Variants in SHOX observed in about 807,000 individuals in gnomAD.
The protein encoded by SHOX is SHOX homeobox.
In SHOX, 12 loss-of-function variants were observed where a neutral mutation model predicts 29.6. That is an observed-to-expected ratio of 0.41 (90% CI 0.26 to 0.66). The LOEUF (loss-of-function observed/expected upper bound fraction) is 0.66, where lower values mean the gene tolerates loss of function less well. Among genes scored for constraint, SHOX ranks in the 30% least tolerant of loss-of-function variants. The pLI is 0.35. For missense variants in SHOX, 499 were observed against 437.7 expected (o/e 1.14, Z -1.25); for synonymous variants, 214 against 200.6 (o/e 1.07, Z -0.57).
chrX:653,012 G>A (rs1390799148), downstream of SHOX, among the ~76,000 whole-genome samples: 11 of 152,140 alleles, frequency 7.2e-5, no homozygotes, highest in Non-Finnish European at 1.3e-4. Context: ...AGGCCGAGGC[G>A]GGTGGATCAC....
chrX:651,832 C>A (rs141154316), downstream of SHOX, among the ~76,000 whole-genome samples: 19 of 151,898 alleles, frequency 1.3e-4, no homozygotes, highest in Admixed American at 1.2e-3. Context: ...CAGCCAACGT[C>A]CCCCCAGAAG....
chrX:644,639 C>T lies in SHOX; in HGVS notation c.*3C>T, dbSNP rs891162345. ...ACGCGGAGGCCCTGGGGCTCTGACC[C>T]GCCGCGCAGCCCCCCGCGCGCCCGG... On this transcript the variant is annotated 3_prime_UTR_variant, in exon 5 of 5. Coordinates refer to ENST00000686671, the MANE Select transcript of SHOX (RefSeq NM_000451.4). 5.4e-6 allele frequency: 8 copies of T among 1,470,122 alleles called. No homozygotes were observed. The Admixed American group carries it at 9.8e-5, about 18-fold the overall frequency. 91.1% of individuals were successfully genotyped at this position (1,470,122 alleles called of 1,614,324 possible).
chrX:631,761 A>T (rs1465733075), intron 1 of SHOX: 13 of 396,826 alleles, frequency 3.3e-5, no homozygotes, highest in Non-Finnish European at 5.1e-5. Context: ...CGAACTCCTG[A>T]CCTCAGGTGA....
intron 4 of SHOX, among the ~76,000 whole-genome samples, chrX:643,978 C>G (rs868251934): frequency 1.8e-5 from 1 of 55,072 alleles, no homozygotes; most frequent in Non-Finnish European, 4.2e-5. Context: ...CTCGGGAGAG[C>G]CTTGGTGACC....
rs914164562 is a variant in SHOX at position 649,945 on chromosome X, C to T, written c.*5309C>T. 6.8e-5 allele frequency: 31 copies of T among 455,948 alleles called. 1 individual carries two copies. The highest frequency in any genetic ancestry group is 3.5e-4 in the Admixed American group (15 of 42,548). 28.2% of individuals were successfully genotyped at this position (455,948 alleles called of 1,614,324 possible). On this transcript the variant is annotated 3_prime_UTR_variant, in exon 5 of 5. Coordinates refer to ENST00000686671, the MANE Select transcript of SHOX (RefSeq NM_000451.4). ...TTCTCTCTCTCTGACTGCGAAGCAC[C>T]CACAGGGAGAAGGAATTGGATGTAT...
Position 631,071 on chromosome X carries a change from C to A in SHOX, c.174C>A (p.Asp58Glu). The change falls in exon 1 of 5, where the codon GAC (aspartate) becomes GAA (glutamate). Residue 58 changes from aspartate to glutamate, a missense_variant. Physicochemically the swap from Asp to Glu is conservative, Grantham distance 45 (BLOSUM62 2). Coordinates refer to ENST00000686671, the MANE Select transcript of SHOX (RefSeq NM_000451.4). ...GGACGTCGGATTCCAGCCTCCAGGA[C>A]ATCACGGAGGGCGGCGGCCACTGCC... ...ELGTSDSSLQ[D>E]ITEGGGHCPV... The A allele has an allele frequency of 6.2e-7, 1 of 1,613,794 alleles. No homozygotes were observed. The highest frequency in any genetic ancestry group is 8.5e-7 in the Non-Finnish European group (1 of 1,179,870).
Position 648,312 on chromosome X carries a change from T to C in SHOX, c.*3676T>C, listed in dbSNP as rs2052991582. Among the ~76,000 whole-genome samples, 1 of 149,306 alleles carries C rather than the reference T, an allele frequency of 6.7e-6. No individual in the cohort carries two copies. Among genetic ancestry groups the C allele is most frequent in the Non-Finnish European group, 1.5e-5 (1 of 67,528 alleles). On this transcript the variant is annotated 3_prime_UTR_variant, in exon 5 of 5. Transcript: ENST00000686671. Reference sequence around the variant, plus strand: ...CACCTGCCACCAGGCCTGGGTAACTTTCTGGTAGTTTTAGTAGAGACAGGG... The same window carrying C: ...CACCTGCCACCAGGCCTGGGTAACTCTCTGGTAGTTTTAGTAGAGACAGGG...
At chrX:638,432 A>G (rs1441210688) in intron 2 of SHOX, among the ~76,000 whole-genome samples, 1 of 152,082 alleles carries the variant, frequency 6.6e-6, no homozygotes, top group Non-Finnish European at 1.5e-5. Flanking sequence ...GCACAGTGGC[A>G]GGTCACCTGG....
rs1258915378 is a variant in SHOX, at chrX:644,463, G to C, written c.706G>C (p.Ala236Pro). The C allele has an allele frequency of 3.9e-6, 6 of 1,522,938 alleles. No individual in the cohort carries two copies. In the African/African-American group the frequency reaches 4.3e-5, roughly 11 times the overall value. 94.3% of individuals were successfully genotyped at this position (1,522,938 alleles called of 1,614,324 possible). A position where few individuals can be genotyped will look rare whatever the true frequency, so the allele number is the denominator to read the frequency against. The change falls in exon 5 of 5, where the codon GCG (alanine) becomes CCG (proline). Residue 236 changes from alanine (A) to proline (P), a missense_variant. By Grantham distance (27) the Ala-to-Pro change is conservative (BLOSUM62 -1). Coordinates refer to ENST00000686671, the MANE Select transcript of SHOX (RefSeq NM_000451.4). ...CCTGCACCCGCACCTGGCGGCGCAC[G>C]CGCCCTACCTGATGTTCCCCCCGCC... ...PHLHPHLAAHAPYLMFPPPPF... is the reference protein window; with the variant it reads ...PHLHPHLAAHPPYLMFPPPPF...
chrX:644,380 C>A lies in SHOX; in HGVS notation c.634-11C>A. 1 of 1,518,660 alleles carries A rather than the reference C, an allele frequency of 6.6e-7. No individual in the cohort carries two copies. The highest frequency in any genetic ancestry group is 8.8e-7 in the Non-Finnish European group (1 of 1,140,716). The allele number at this position is 1,518,660 out of a possible 1,614,324, so 94.1% of individuals were successfully genotyped here. A position where few individuals can be genotyped will look rare whatever the true frequency, so the allele number is the denominator to read the frequency against. ...TCCTGCGCCCTCACCCCGCCGGGTCCGCTCCCGCAGGTCCAGGCTCAGCTG... is the reference window on the plus strand; with the variant it reads ...TCCTGCGCCCTCACCCCGCCGGGTCAGCTCCCGCAGGTCCAGGCTCAGCTG... On this transcript the variant is annotated splice_polypyrimidine_tract_variant and intron_variant, in intron 4 of 4. Coordinates refer to ENST00000686671, the MANE Select transcript of SHOX (RefSeq NM_000451.4).
intron 1 of SHOX, among the ~76,000 whole-genome samples, chrX:632,695 G>T (rs952113852): frequency 2.0e-5 from 3 of 152,158 alleles, no homozygotes; most frequent in Admixed American, 6.5e-5. Context: ...AGCAGTCCCC[G>T]GTTTCTGACC....
In SHOX at chrX:644,787, A is replaced by T; in HGVS notation, c.*151A>T. The stretch of plus-strand genomic sequence containing the variant: ...GCTCCTGCAAGAGGCCTGAGGAGGG[A>T]GGCTCCCGGGACCGTCCACGCACGA... On this transcript the variant is annotated 3_prime_UTR_variant, in exon 5 of 5. Transcript: ENST00000686671. 2 of 1,099,938 alleles carry T rather than the reference A, an allele frequency of 1.8e-6. No individual in the cohort carries two copies. The highest frequency in any genetic ancestry group is 2.4e-6 in the Non-Finnish European group (2 of 836,300). 68.1% of individuals were successfully genotyped at this position (1,099,938 alleles called of 1,614,324 possible). A position where few individuals can be genotyped will look rare whatever the true frequency, so the allele number is the denominator to read the frequency against.
At chrX:652,450 G>T (rs2053080820), downstream of SHOX, among the ~76,000 whole-genome samples, 1 of 150,652 alleles carries the variant, frequency 6.6e-6, no homozygotes, top group African/African-American at 2.5e-5. Context: ...ACACATGTGA[G>T]CTGGGAGGGA....
At chrX:655,642 A>AAC (rs2053136813), downstream of SHOX, among the ~76,000 whole-genome samples, 1 of 100,870 alleles carries the variant, frequency 9.9e-6, no homozygotes, top group Non-Finnish European at 2.1e-5. Context: ...ATATATATAT[A>AAC]TATATATATA....
chrX:655,256 C>T (rs1234618515), downstream of SHOX, among the ~76,000 whole-genome samples: 10 of 151,572 alleles, frequency 6.6e-5, no homozygotes, highest in Non-Finnish European at 4.4e-5. Context: ...TACAGGTGCC[C>T]GCCACCACGC....
In SHOX at chrX:650,235, T is replaced by TA. The variant is rs1449609691; in HGVS notation, c.*5600dup. Among the ~76,000 whole-genome samples, 5 of 152,204 alleles carry TA rather than the reference T, an allele frequency of 3.3e-5. No individual in the cohort carries two copies. The highest frequency in any genetic ancestry group is 1.2e-4 in the African/African-American group (5 of 41,462). On this transcript the variant is annotated 3_prime_UTR_variant, in exon 5 of 5. Transcript: ENST00000686671. Reference sequence around the variant, plus strand: ...CGCGTCCAACACCCGTTTTTCCACTTACAAAGCTGGTGGTGCGACGGGCTT... The same window carrying TA: ...CGCGTCCAACACCCGTTTTTCCACTTAACAAAGCTGGTGGTGCGACGGGCTT...
chrX:634,610 C>G lies in SHOX; in HGVS notation c.278-8C>G, dbSNP rs777748934. ...GCCTCAGCCCTGTGCCCTCCGCTCC[C>G]CACGCAGGGATTTATGAATGCAAAG... On this transcript the variant is annotated splice_region_variant and splice_polypyrimidine_tract_variant and intron_variant, in intron 1 of 4. Coordinates refer to ENST00000686671, the MANE Select transcript of SHOX (RefSeq NM_000451.4). 4 of 1,613,144 alleles carry G rather than the reference C, an allele frequency of 2.5e-6. No individual in the cohort carries two copies. The Admixed American group carries it at 5.0e-5, about 20-fold the overall frequency.
chrX:651,742 C>A (rs2053068684), downstream of SHOX, among the ~76,000 whole-genome samples: 1 of 151,568 alleles, frequency 6.6e-6, no homozygotes, highest in Non-Finnish European at 1.5e-5. Context: ...TGTTGCCCCC[C>A]AGCCTTAGAT....
chrX:644,292 G>C (rs186589133), intron 4 of SHOX, 99 bp from the exon 5 acceptor site: 2 of 1,382,816 alleles, frequency 1.4e-6, no homozygotes, highest in Non-Finnish European at 1.9e-6. Flanking sequence ...ACGCTCCCTA[G>C]GGGAGAAGAG....
Sources: allele counts gnomAD v4.1 joint callset (sites outside exome capture counted in the v4.1 genomes callset), GRCh38; gene constraint gnomAD v4.1.1; transcripts MANE v1.5; gene names NCBI Gene and HGNC (gene_info 2026-07-23, HGNC 2026-07-21).